Variants in CASP10 observed in about 807,000 individuals in gnomAD.
The protein encoded by CASP10 is caspase-10.
A neutral mutation model predicts 48.5 loss-of-function variants in CASP10; 41 were observed. The observed-to-expected ratio is 0.85, with a 90% CI of 0.66 to 1.10. The LOEUF is 1.10. CASP10 is among the 50% of genes least tolerant of loss of function. The pLI is 0.00. For synonymous variants in CASP10, 232 were observed against 238.4 expected (o/e 0.97, Z 0.25); for missense variants, 614 against 614.5 (o/e 1.00, Z 0.01).
chr2:201,221,162 G>T lies in CASP10; in HGVS notation c.*3421G>T. The T allele has an allele frequency of 1.0e-6, 1 of 985,346 alleles. No individual in the cohort carries two copies. 61.0% of individuals were successfully genotyped at this position (985,346 alleles called of 1,614,324 possible). ...CGTAATTCCAGCTGACTTTATTAGCGGCAACTCAGCACTAGCATTACCCCT... is the reference window on the plus strand; with the variant it reads ...CGTAATTCCAGCTGACTTTATTAGCTGCAACTCAGCACTAGCATTACCCCT... On this transcript the variant is annotated 3_prime_UTR_variant, in exon 10 of 10. Transcript: ENST00000286186.
intron 5 of CASP10, among the ~76,000 whole-genome samples, chr2:201,201,299 G>A (rs566583101): frequency 1.3e-5 from 2 of 151,998 alleles, no homozygotes; most frequent in South Asian, 2.1e-4. Context: ...CAAAGTGCTG[G>A]GATTACAGGC....
rs201946224 is a variant in CASP10 at position 201,205,862 on chromosome 2, C to T, written c.722-20C>T. 7.0e-7 allele frequency: 1 copy of T among 1,437,964 alleles called. No homozygotes were observed. The highest frequency in any genetic ancestry group is 9.8e-7 in the Non-Finnish European group (1 of 1,019,642). 89.1% of individuals were successfully genotyped at this position (1,437,964 alleles called of 1,614,324 possible). A position where few individuals can be genotyped will look rare whatever the true frequency, so the allele number is the denominator to read the frequency against. ...AGTGCTTGGGGAAGATATTTGGAGT[C>T]TGAGTACCTCTCTTTCTAGGTAACA... is the stretch of plus-strand genomic sequence containing the variant. On this transcript the variant is annotated intron_variant, in intron 6 of 9. Transcript: ENST00000286186.
At position 201,209,537 on chromosome 2, in the gene CASP10, A is replaced by G; in HGVS notation, c.1390A>G (p.Asn464Asp). The G allele has an allele frequency of 1.2e-6, 2 of 1,610,882 alleles. No homozygotes were observed. Among genetic ancestry groups the G allele is most frequent in the Non-Finnish European group, 1.7e-6 (2 of 1,179,130 alleles). The change falls in exon 9 of 10, where the codon AAT (asparagine) becomes GAT (aspartate). Residue 464 changes from asparagine to aspartate, a missense_variant. Physicochemically the swap from Asn to Asp is conservative, Grantham distance 23. Coordinates refer to ENST00000286186, the MANE Select transcript of CASP10 (RefSeq NM_032977.4). Reference sequence around the variant, plus strand: ...CAGCTGGTATATTCAGTCTCTGTGTAATCATCTGAAGAAATTGGTCCCAAG... The same window carrying G: ...CAGCTGGTATATTCAGTCTCTGTGTGATCATCTGAAGAAATTGGTCCCAAG... ...EGSWYIQSLC[N>D]HLKKLVPRHE...
downstream of CASP10, among the ~76,000 whole-genome samples, chr2:201,225,099 A>G (rs1945771419): frequency 6.6e-6 from 1 of 152,012 alleles, no homozygotes; most frequent in East Asian, 1.9e-4. Context: ...CCATCATTCC[A>G]TCTTGCTTCT....
At chr2:201,226,356 T>C (rs150466981), downstream of CASP10, among the ~76,000 whole-genome samples, 718 of 152,328 alleles carry the variant, frequency 4.7e-3, 7 homozygotes, top group Non-Finnish European at 6.1e-3. Context: ...ATTACATCGA[T>C]CTAGGAAATG....
At chr2:201,202,428 C>T (rs1228673704) in intron 5 of CASP10, among the ~76,000 whole-genome samples, 3 of 152,140 alleles carry the variant, frequency 2.0e-5, no homozygotes, top group Non-Finnish European at 4.4e-5. Flanking sequence ...TTTTTCTAGT[C>T]CCTGTTCTGG....
In CASP10 at chr2:201,217,786, T is replaced by A. The variant is rs1449763416; in HGVS notation, c.*45T>A. 2 of 1,613,522 alleles carry A rather than the reference T, an allele frequency of 1.2e-6. No homozygotes were observed. The highest frequency in any genetic ancestry group is 3.3e-5 in the Admixed American group (2 of 59,992). The stretch of plus-strand genomic sequence containing the variant: ...CTTAGACCTCAAACGAATCATTGGC[T>A]ATAACCTCCAGCCTCCTGCCCAGCA... On this transcript the variant is annotated 3_prime_UTR_variant, in exon 10 of 10. Transcript: ENST00000286186.
intron 3 of CASP10, among the ~76,000 whole-genome samples, chr2:201,188,345 A>T (rs565967330): frequency 1.3e-4 from 20 of 151,934 alleles, no homozygotes; most frequent in African/African-American, 4.1e-4. Flanking sequence ...ATGCCCAGCT[A>T]ATTTTTGTAT....
chr2:201,188,627 G>A (rs1224039512), intron 3 of CASP10, among the ~76,000 whole-genome samples: 13 of 152,294 alleles, frequency 8.5e-5, no homozygotes, highest in Non-Finnish European at 4.4e-5. Flanking sequence ...GAGTTTTGCT[G>A]ATTGCACACT....
rs74539927 is a variant in CASP10, at chr2:201,188,797, T to A, written c.441+998T>A. Among the ~76,000 whole-genome samples the A allele has an allele frequency of 1.6e-3, 247 of 152,266 alleles. 4 individuals are homozygous for A. The East Asian group carries it at 0.032, about 20-fold the overall frequency. On this transcript the variant is annotated intron_variant, in intron 3 of 9. Coordinates refer to ENST00000286186, the MANE Select transcript of CASP10 (RefSeq NM_032977.4). ...ACCTGATTTTCTCTCTCTTTTTCTTTGATATTAGCAACTGTTGATGTTCAA... is the reference window on the plus strand; with the variant it reads ...ACCTGATTTTCTCTCTCTTTTTCTTAGATATTAGCAACTGTTGATGTTCAA...
At chr2:201,209,743 C>G (rs1248602143) in intron 9 of CASP10, among the ~76,000 whole-genome samples, 181 bp downstream of exon 9, 2 of 152,170 alleles carry the variant, frequency 1.3e-5, no homozygotes, top group Non-Finnish European at 2.9e-5. Flanking sequence ...ATTCATCTAT[C>G]CATCCATCTA....
At chr2:201,221,975 A>G (rs1945730727), downstream of CASP10, among the ~76,000 whole-genome samples, 1 of 152,114 alleles carries the variant, frequency 6.6e-6, no homozygotes, top group Admixed American at 6.5e-5. Flanking sequence ...GTGCCCTCCA[A>G]GATTTCGTGA....
chr2:201,193,198 ATTTGT>A (rs917234774), intron 4 of CASP10, 79 bp downstream of exon 4: 74 of 1,463,594 alleles, frequency 5.1e-5, no homozygotes, highest in Middle Eastern at 3.5e-4. Context: ...TGTTTTGATT[ATTTGT>A]TTTGTTTTGT....
Position 201,218,460 on chromosome 2 carries a change from ACAG to A in CASP10, c.*721_*723del. On this transcript the variant is annotated 3_prime_UTR_variant, in exon 10 of 10. Coordinates refer to ENST00000286186, the MANE Select transcript of CASP10 (RefSeq NM_032977.4). ...TGAGACTACAGGTGTGTGTCCATGC[ACAG>A]CTAACTTTTTATTTTTTTTGTGGAG... The A allele has an allele frequency of 1.5e-6, 1 of 666,620 alleles. No individual in the cohort carries two copies. Among genetic ancestry groups the A allele is most frequent in the Non-Finnish European group, 1.9e-6 (1 of 539,582 alleles). 41.3% of individuals were successfully genotyped at this position (666,620 alleles called of 1,614,324 possible).
chr2:201,206,543 A>G (rs1455152847), intron 7 of CASP10, among the ~76,000 whole-genome samples: 2 of 148,100 alleles, frequency 1.4e-5, no homozygotes, highest in African/African-American at 2.5e-5. Context: ...ATATATGTGT[A>G]TATATATACT....
chr2:201,200,337 C>A, intron 5 of CASP10: 1 of 994,468 alleles, frequency 1.0e-6, no homozygotes, highest in Non-Finnish European at 1.5e-6. Context: ...CCAGCATTTA[C>A]TATGTTGGTT....
downstream of CASP10, among the ~76,000 whole-genome samples, chr2:201,224,913 C>T (rs149707387): frequency 5.3e-5 from 8 of 152,206 alleles, no homozygotes; most frequent in Non-Finnish European, 1.2e-4. Context: ...TTCTATTTTG[C>T]TATGTATTTT....
rs1559310971 is a variant in CASP10 at position 201,211,554 on chromosome 2, C to CT, written c.1415+1999dup. On this transcript the variant is annotated intron_variant, in intron 9 of 9. Transcript: ENST00000286186. ...ATGTTGTCAGACATGTCAGGATTTT[C>CT]TTTTTTTATGGCTGAATGGTATTCT... Among the ~76,000 whole-genome samples the CT allele has an allele frequency of 2.0e-5, 3 of 152,226 alleles. No individual in the cohort carries two copies. In the South Asian group the frequency reaches 6.2e-4, roughly 32 times the overall value.
chr2:201,200,532 C>T lies in CASP10; in HGVS notation c.685-3198C>T, dbSNP rs141902774. The T allele has an allele frequency of 2.8e-4, 444 of 1,597,748 alleles. 1 individual carries two copies. The African/African-American group carries it at 2.9e-3, about 10-fold the overall frequency. ...TGGAGCTTGGCAAAGGCTGGGCAAA[C>T]GCCCACCTGAAGACTATGCAGGCAA... On this transcript the variant is annotated intron_variant, in intron 5 of 9. Coordinates refer to ENST00000286186, the MANE Select transcript of CASP10 (RefSeq NM_032977.4).
Sources: gnomAD v4.1 joint callset for allele counts (sites outside exome capture counted in the v4.1 genomes callset) on GRCh38, gnomAD v4.1.1 for gene constraint, MANE v1.5 for transcripts, NCBI Gene and HGNC (gene_info 2026-07-23, HGNC 2026-07-21) for gene names.